MACROD2: variants seen among roughly 807,000 people sequenced by gnomAD.
MACROD2 encodes the protein ADP-ribose glycohydrolase MACROD2.
Under a neutral mutation model 70.4 loss-of-function variants are expected in MACROD2, and 36 were observed. That is an observed-to-expected ratio of 0.51 (90% CI 0.39 to 0.68). MACROD2 has a LOEUF of 0.68. Ranked by LOEUF, MACROD2 falls within the 30% of genes least tolerant of loss-of-function variation. The pLI is 0.00. For synonymous variants in MACROD2, 172 were observed against 178.8 expected, an observed-to-expected ratio of 0.96 and a Z score of 0.30; for missense variants, 496 against 538.4, an observed-to-expected ratio of 0.92 and a Z score of 0.78.
chr20:14,727,543 AAGAGAG>A (rs146243301), intron 5 of MACROD2, among the ~76,000 whole-genome samples: 5 of 150,788 alleles, frequency 3.3e-5, no homozygotes, highest in Middle Eastern at 6.5e-3. Context: ...TCAAAACAGA[AAGAGAG>A]AGAGAGAGAG....
At chr20:14,944,519 T>G (rs1432149465) in intron 5 of MACROD2, among the ~76,000 whole-genome samples, 1 of 152,164 alleles carries the variant, frequency 6.6e-6, no homozygotes, top group Admixed American at 6.5e-5. Context: ...CTGCTGTCAA[T>G]TTGACATCAT....
At chr20:15,717,536 A>G (rs1435639552) in intron 8 of MACROD2, among the ~76,000 whole-genome samples, 3 of 152,204 alleles carry the variant, frequency 2.0e-5, no homozygotes, top group Non-Finnish European at 4.4e-5. Context: ...AATCCTTCAA[A>G]TGTGTCATTG....
intron 8 of MACROD2, among the ~76,000 whole-genome samples, chr20:15,577,617 G>A (rs1463385502): frequency 7.0e-5 from 9 of 127,792 alleles, no homozygotes; most frequent in Admixed American, 2.4e-4. Context: ...TTCTCCGTGC[G>A]TGCGTACTCC....
At chr20:15,638,888 C>A (rs184762621) in intron 8 of MACROD2, among the ~76,000 whole-genome samples, 1 of 152,118 alleles carries the variant, frequency 6.6e-6, no homozygotes, top group African/African-American at 2.4e-5. Flanking sequence ...TGACTCCATC[C>A]GGAACAGAGT....
At chr20:14,079,984 T>G (rs1286860982) in intron 2 of MACROD2, among the ~76,000 whole-genome samples, 1 of 152,124 alleles carries the variant, frequency 6.6e-6, no homozygotes, top group East Asian at 1.9e-4. Context: ...TGTTATAGGG[T>G]TCCCAGCCTT....
intron 8 of MACROD2, among the ~76,000 whole-genome samples, chr20:15,536,739 C>T (rs1028761351): frequency 6.6e-5 from 10 of 152,138 alleles, no homozygotes; most frequent in African/African-American, 1.9e-4. Context: ...TGCTGCTCTT[C>T]GGTGCGTTTC....
intron 8 of MACROD2, among the ~76,000 whole-genome samples, chr20:15,855,350 C>T (rs1008087217): frequency 2.0e-5 from 3 of 152,160 alleles, no homozygotes; most frequent in Non-Finnish European, 4.4e-5. Context: ...GAAAGACATA[C>T]ATCTTTACTC....
intron 10 of MACROD2, among the ~76,000 whole-genome samples, chr20:15,913,001 C>G (rs1230358469): frequency 6.6e-6 from 1 of 152,128 alleles, no homozygotes; most frequent in East Asian, 1.9e-4. Flanking sequence ...CTACCACTGA[C>G]TGGTTCTAAG....
intron 5 of MACROD2, among the ~76,000 whole-genome samples, chr20:15,117,600 A>G (rs191013066): frequency 1.6e-3 from 238 of 152,280 alleles, no homozygotes; most frequent in African/African-American, 5.4e-3. Context: ...ATTTTCCAGT[A>G]GAGATTTGAT....
chr20:14,910,042 AG>A (rs1419026581), intron 5 of MACROD2, among the ~76,000 whole-genome samples: 3 of 152,176 alleles, frequency 2.0e-5, no homozygotes, highest in Non-Finnish European at 4.4e-5. Context: ...GCCTCATCAA[AG>A]TCTCACTGAT....
intron 5 of MACROD2, among the ~76,000 whole-genome samples, chr20:14,919,330 A>T (rs948290598): frequency 1.3e-5 from 2 of 152,224 alleles, no homozygotes; most frequent in African/African-American, 2.4e-5. Context: ...GGGATAGCTT[A>T]TGATTGAATA....
intron 8 of MACROD2, among the ~76,000 whole-genome samples, chr20:15,810,133 C>A (rs948917182): frequency 1.3e-5 from 2 of 150,496 alleles, no homozygotes; most frequent in South Asian, 2.1e-4. Flanking sequence ...TTTGTCCTTG[C>A]GATAGTTTGC....
At chr20:14,456,230 CT>C (rs1394690334) in intron 3 of MACROD2, among the ~76,000 whole-genome samples, 1 of 151,874 alleles carries the variant, frequency 6.6e-6, no homozygotes, top group Non-Finnish European at 1.5e-5. Flanking sequence ...CATTCTTAAT[CT>C]TTCAGTAATA....
chr20:14,221,763 T>C (rs2081676416), intron 3 of MACROD2, among the ~76,000 whole-genome samples: 1 of 152,148 alleles, frequency 6.6e-6, no homozygotes, highest in Non-Finnish European at 1.5e-5. Flanking sequence ...CCAGAATTTA[T>C]AAGGAAGTCA....
chr20:14,811,963 C>A (rs78135774), intron 5 of MACROD2, among the ~76,000 whole-genome samples: 1 of 152,050 alleles, frequency 6.6e-6, no homozygotes, highest in Non-Finnish European at 1.5e-5. Context: ...CATAGGAACG[C>A]TTTACACTGT....
chr20:15,173,042 G>T (rs1835933109), intron 5 of MACROD2, among the ~76,000 whole-genome samples: 1 of 152,084 alleles, frequency 6.6e-6, no homozygotes, highest in African/African-American at 2.4e-5. Flanking sequence ...TATAAACTGT[G>T]TGTGTGCCTG....
chr20:15,095,366 C>T (rs576796218), intron 5 of MACROD2, among the ~76,000 whole-genome samples: 14 of 150,812 alleles, frequency 9.3e-5, no homozygotes, highest in Admixed American at 4.6e-4. Context: ...TGAGCCACCA[C>T]GCCCGGCCTG....
intron 3 of MACROD2, among the ~76,000 whole-genome samples, chr20:14,270,226 CAT>C (rs1186904161): frequency 6.6e-6 from 1 of 152,040 alleles, no homozygotes; most frequent in Non-Finnish European, 1.5e-5. Flanking sequence ...TATACACACA[CAT>C]ATATGTCTAC....
At chr20:14,964,150 T>C in intron 5 of MACROD2, among the ~76,000 whole-genome samples, 1 of 152,110 alleles carries the variant, frequency 6.6e-6, no homozygotes, top group South Asian at 2.1e-4. Flanking sequence ...GAAATATAAA[T>C]GGTATGGTGC....
Sources: allele counts gnomAD v4.1 joint callset (sites outside exome capture counted in the v4.1 genomes callset), GRCh38; gene constraint gnomAD v4.1.1; transcripts MANE v1.5; gene names NCBI Gene and HGNC (gene_info 2026-07-23, HGNC 2026-07-21).